Variants in ZNF407 observed in about 807,000 individuals in gnomAD.
The protein encoded by ZNF407 is zinc finger protein 407.
A neutral mutation model predicts 131.2 loss-of-function variants in ZNF407; 17 were observed. The observed-to-expected ratio is 0.13, with a 90% confidence interval of 0.09 to 0.19. The LOEUF (loss-of-function observed/expected upper bound fraction) is 0.19, where lower values mean the gene tolerates loss of function less well. Among genes scored for constraint, ZNF407 ranks in the 10% least tolerant of loss-of-function variants. ZNF407 has a pLI of 1.00. For missense variants in ZNF407, 2,681 were observed against 2,830.6 expected (o/e 0.95, Z 1.20); for synonymous variants, 1,156 against 1,062.0 (o/e 1.09, Z -1.72).
chr18:74,752,211 G>A (rs1968822608), intron 3 of ZNF407, among the ~76,000 whole-genome samples: 2 of 152,046 alleles, frequency 1.3e-5, no homozygotes, highest in African/African-American at 4.8e-5. Flanking sequence ...CCCACTTTTT[G>A]ATGGGGTTGT....
rs532322786 is a variant in ZNF407, at chr18:74,953,706, T to C, written c.5428+33014T>C. On this transcript the variant is annotated intron_variant, in intron 8 of 8. Coordinates refer to ENST00000299687, the MANE Select transcript of ZNF407 (RefSeq NM_017757.3). ...GTAAATATAGTTGCATATAGAAATA[T>C]AGAGGATTTGTTTCACTTCTCCTGA... 4.6e-5 allele frequency among the ~76,000 whole-genome samples: 7 copies of C among 152,354 alleles called. No homozygotes were observed. In the East Asian group the frequency reaches 1.3e-3, roughly 29 times the overall value.
intron 8 of ZNF407, among the ~76,000 whole-genome samples, chr18:75,037,670 C>T (rs543691043): frequency 4.6e-5 from 7 of 152,148 alleles, no homozygotes; most frequent in South Asian, 2.1e-4. Context: ...AGGTAATGCT[C>T]GCGCTGGAAT....
intron 3 of ZNF407, among the ~76,000 whole-genome samples, chr18:74,729,698 G>A (rs1042568188): frequency 1.6e-4 from 25 of 152,210 alleles, no homozygotes; most frequent in Admixed American, 5.9e-4. Context: ...CACAGGGACC[G>A]TACACTTGGC....
At chr18:74,759,333 T>C (rs1969038846) in intron 3 of ZNF407, among the ~76,000 whole-genome samples, 1 of 152,192 alleles carries the variant, frequency 6.6e-6, no homozygotes, top group Non-Finnish European at 1.5e-5. Flanking sequence ...TGTTTGAGTT[T>C]TTCCTATGTG....
intron 3 of ZNF407, among the ~76,000 whole-genome samples, chr18:74,767,818 T>TA (rs1175314267): frequency 3.4e-5 from 2 of 58,250 alleles, no homozygotes; most frequent in African/African-American, 5.0e-5. Flanking sequence ...CACGCCTGGC[T>TA]AATTTTTTTT....
At chr18:75,008,552 C>T (rs2122175886) in intron 8 of ZNF407, among the ~76,000 whole-genome samples, 1 of 152,296 alleles carries the variant, frequency 6.6e-6, no homozygotes, top group Admixed American at 6.5e-5. Context: ...AACAGCGTTG[C>T]AAATATGGTT....
In ZNF407 at chr18:74,692,641, G is replaced by A. The variant is rs111493360; in HGVS notation, c.4802+51519G>A. 4.5e-3 allele frequency among the ~76,000 whole-genome samples: 690 copies of A among 152,164 alleles called. 4 individuals are homozygous for A. The highest frequency in any genetic ancestry group is 7.1e-3 in the Non-Finnish European group (481 of 68,000). On this transcript the variant is annotated intron_variant, in intron 3 of 8. Coordinates refer to ENST00000299687, the MANE Select transcript of ZNF407 (RefSeq NM_017757.3). The stretch of plus-strand genomic sequence containing the variant: ...GGAGTTTCCTGCTTCTCCCCTAGCG[G>A]TAGCTGATACCTCACTTAAGTTTTT...
At chr18:74,788,453 T>C (rs1969762408) in intron 4 of ZNF407, among the ~76,000 whole-genome samples, 1 of 152,108 alleles carries the variant, frequency 6.6e-6, no homozygotes, top group South Asian at 2.1e-4. Flanking sequence ...CAGACTTATT[T>C]ATTTAAAAAC....
chr18:74,907,658 T>C (rs1040235886), intron 7 of ZNF407, among the ~76,000 whole-genome samples: 1 of 152,202 alleles, frequency 6.6e-6, no homozygotes, highest in Non-Finnish European at 1.5e-5. Flanking sequence ...CTAGTATGGA[T>C]GCACTGTACA....
intron 4 of ZNF407, among the ~76,000 whole-genome samples, chr18:74,832,411 GCCTGAGTGTATGAAATATGATTTTT>G (rs1448359618): frequency 6.6e-6 from 1 of 151,924 alleles, no homozygotes; most frequent in East Asian, 1.9e-4. Flanking sequence ...GGAAATTGCT[GCCTGAGTGTATGAAATATGATTTTT>G]ATTTAAGTTG....
At chr18:74,833,727 C>CGTTT (rs1568234694) in intron 4 of ZNF407, among the ~76,000 whole-genome samples, 1 of 152,076 alleles carries the variant, frequency 6.6e-6, no homozygotes, top group East Asian at 1.9e-4. Flanking sequence ...TCTTGTTTAT[C>CGTTT]GTTTGAAAGT....
rs118064104 is a variant in ZNF407, at chr18:74,865,394, T to A, written c.4878-11803T>A. Among the ~76,000 whole-genome samples, 735 of 152,332 alleles carry A rather than the reference T, an allele frequency of 4.8e-3. 3 individuals carry two copies. Among genetic ancestry groups the A allele is most frequent in the Non-Finnish European group, 8.9e-3 (608 of 68,024 alleles). On this transcript the variant is annotated intron_variant, in intron 4 of 8. Transcript: ENST00000299687. ...CTTTCCTTGCCCATAATTGAAAAAG[T>A]CCCTTTAATTGTTAACCTCATTTTG...
chr18:74,895,231 TGG>T (rs1971438464), intron 7 of ZNF407, among the ~76,000 whole-genome samples: 1 of 151,386 alleles, frequency 6.6e-6, no homozygotes. Flanking sequence ...TTTCTTTTTT[TGG>T]TGAGGGGAAG....
At chr18:74,921,148 T>A in intron 8 of ZNF407, 1 of 472,346 alleles carries the variant, frequency 2.1e-6, no homozygotes, top group Non-Finnish European at 2.8e-6. Context: ...TCAAGCGTAG[T>A]GGGTGGTAAC....
rs1196522925 is a variant in ZNF407, at chr18:74,633,028, A to C, written c.2009A>C (p.Asn670Thr). The stretch of plus-strand genomic sequence containing the variant: ...CCTTTGAGTACTTTAGAATCAGAAA[A>C]CGCAAAAGAGTCTATGGATGACTCA... ...TLPLSTLESE[N>T]AKESMDDSGK... The change falls in exon 2 of 9, where the codon AAC becomes ACC. Residue 670 changes from asparagine (N) to threonine (T), a missense_variant. By Grantham distance (65) the Asn-to-Thr change is moderately conservative. Coordinates refer to ENST00000299687, the MANE Select transcript of ZNF407 (RefSeq NM_017757.3). 4.3e-6 allele frequency: 7 copies of C among 1,613,784 alleles called. No individual in the cohort carries two copies. Among genetic ancestry groups the C allele is most frequent in the Non-Finnish European group, 5.9e-6 (7 of 1,179,900 alleles).
chr18:75,015,862 G>T (rs772714947), intron 8 of ZNF407, among the ~76,000 whole-genome samples: 34 of 151,942 alleles, frequency 2.2e-4, no homozygotes, highest in Admixed American at 8.5e-4. Context: ...GACTTCTTCT[G>T]ACATTGCAGT....
chr18:74,792,377 C>T (rs941047080), intron 4 of ZNF407, among the ~76,000 whole-genome samples: 1 of 150,938 alleles, frequency 6.6e-6, no homozygotes, highest in African/African-American at 2.4e-5. Flanking sequence ...ATAATTTCTC[C>T]TTTCATTGTC....
chr18:74,635,142 T>G lies in ZNF407; in HGVS notation c.4123T>G (p.Ser1375Ala), dbSNP rs549687654. Residue 1375 changes from serine to alanine, a missense_variant, in exon 2 of 9, where the codon TCT becomes GCT. Coordinates refer to ENST00000299687, the MANE Select transcript of ZNF407 (RefSeq NM_017757.3). This position sits in a 1 kb window ranked among gnomAD's most constrained non-coding sequence, Gnocchi z 4.7. Reference protein sequence around the residue: ...NPEDGELIDQSEEGLIATGVR... With the variant: ...NPEDGELIDQAEEGLIATGVR... ...TGAAGATGGTGAGTTGATAGACCAG[T>G]CTGAAGAGGGCTTGATAGCAACGGG... is the stretch of plus-strand genomic sequence containing the variant. 3.5e-5 allele frequency: 57 copies of G among 1,614,010 alleles called. No homozygotes were observed. Among genetic ancestry groups the G allele is most frequent in the Non-Finnish European group, 4.7e-5 (55 of 1,179,896 alleles).
chr18:74,867,781 C>G (rs1000053242), intron 4 of ZNF407, among the ~76,000 whole-genome samples: 2 of 152,144 alleles, frequency 1.3e-5, no homozygotes, highest in Non-Finnish European at 2.9e-5. Context: ...ACTATTATAT[C>G]AGTACAGTAT....
Sources: gnomAD v4.1 joint callset for allele counts (sites outside exome capture counted in the v4.1 genomes callset) on GRCh38, gnomAD v4.1.1 for gene constraint, Gnocchi (gnomAD v3.1) non-coding constraint, MANE v1.5 for transcripts, NCBI Gene and HGNC (gene_info 2026-07-23, HGNC 2026-07-21) for gene names.